CELF1: variants seen among roughly 807,000 people sequenced by gnomAD.
The protein encoded by CELF1 is CUGBP Elav-like family member 1, also known as 50 kDa nuclear polyadenylated RNA-binding protein.
A neutral mutation model predicts 61.8 loss-of-function variants in CELF1; 10 were observed. The observed-to-expected ratio is 0.16, with a 90% confidence interval of 0.10 to 0.27. The LOEUF is 0.27. Ranked by LOEUF, CELF1 falls within the 10% of genes least tolerant of loss-of-function variation. The probability of loss-of-function intolerance (pLI) is 1.00; values close to 1 mark genes in which losing one functional copy is unlikely to be tolerated. For synonymous variants in CELF1, 236 were observed against 225.1 expected (o/e 1.05, Z -0.43); for missense variants, 380 against 639.1 (o/e 0.59, Z 4.37).
At chr11:47,493,985 TC>T (rs1291077732) in intron 3 of CELF1, among the ~76,000 whole-genome samples, 1 of 152,244 alleles carries the variant, frequency 6.6e-6, no homozygotes, top group Admixed American at 6.5e-5. Flanking sequence ...ACTCTTTGTA[TC>T]ATTAAATACA....
intron 9 of CELF1, among the ~76,000 whole-genome samples, chr11:47,479,948 C>T (rs931616679): frequency 2.0e-5 from 3 of 152,034 alleles, no homozygotes; most frequent in Non-Finnish European, 2.9e-5. Flanking sequence ...CCTTTCCCCC[C>T]GCTTCTCAAA....
chr11:47,557,381 G>A (rs1454712213), upstream of CELF1, among the ~76,000 whole-genome samples: 25 of 148,546 alleles, frequency 1.7e-4, no homozygotes, highest in Admixed American at 1.7e-3. Context: ...ACCACATCCG[G>A]CTAATTTTTT....
At chr11:47,520,124 C>T (rs1282035181) in intron 1 of CELF1, among the ~76,000 whole-genome samples, 1 of 151,982 alleles carries the variant, frequency 6.6e-6, no homozygotes. Flanking sequence ...AATCCCTGTC[C>T]TTAAGGAGTT....
chr11:47,514,435 C>T (rs889445718), intron 1 of CELF1, among the ~76,000 whole-genome samples: 6 of 152,256 alleles, frequency 3.9e-5, no homozygotes, highest in Middle Eastern at 3.4e-3. Context: ...TAGCTCACCT[C>T]CCATTTAGTT....
At position 47,501,363 on chromosome 11, in the gene CELF1, C is replaced by T. The variant is rs138060181; in HGVS notation, c.-153-431G>A. Among the ~76,000 whole-genome samples the T allele has an allele frequency of 6.6e-4, 100 of 152,318 alleles. 1 individual carries two copies. The highest frequency in any genetic ancestry group is 2.4e-3 in the African/African-American group (98 of 41,580). The stretch of plus-strand genomic sequence containing the variant: ...TAGCTGGGGCTGGTTAGATTACTGG[C>T]TATGTTTGTCCTAGTTTCTCCTACG... On this transcript the variant is annotated intron_variant, in intron 1 of 14. Transcript: ENST00000687097.
At chr11:47,479,914 G>A (rs533463573) in intron 9 of CELF1, among the ~76,000 whole-genome samples, 1 of 151,976 alleles carries the variant, frequency 6.6e-6, no homozygotes, top group South Asian at 2.1e-4. Flanking sequence ...GGAACAGAAT[G>A]GGGGAAAAAA....
chr11:47,500,675 C>T (rs1000965605), intron 2 of CELF1, among the ~76,000 whole-genome samples, 186 bp downstream of exon 2: 2 of 151,952 alleles, frequency 1.3e-5, no homozygotes, highest in Admixed American at 1.3e-4. Flanking sequence ...TATGGGTGAG[C>T]AGTAGAGATG....
chr11:47,507,478 A>C (rs1378012389), intron 1 of CELF1, among the ~76,000 whole-genome samples: 2 of 152,198 alleles, frequency 1.3e-5, no homozygotes, highest in Admixed American at 1.3e-4. Context: ...AAAAATCAGA[A>C]GATGGGGAAG....
chr11:47,507,036 C>T (rs1200545696), intron 1 of CELF1: 2 of 152,212 alleles, frequency 1.3e-5, no homozygotes, highest in Admixed American at 1.3e-4. Flanking sequence ...CCTCCTGCGC[C>T]CTTTTTACTC....
intron 1 of CELF1, among the ~76,000 whole-genome samples, chr11:47,546,264 C>CG (rs1380430191): frequency 6.6e-4 from 16 of 24,146 alleles, no homozygotes; most frequent in Non-Finnish European, 9.9e-4. Flanking sequence ...GGGCGGGGGC[C>CG]GGGGGCGGGG....
chr11:47,482,697 C>A lies in CELF1; in HGVS notation c.766G>T (p.Ala256Ser), dbSNP rs2084088647. 2 of 1,613,128 alleles carry A rather than the reference C, an allele frequency of 1.2e-6. No homozygotes were observed. The highest frequency in any genetic ancestry group is 4.5e-5 in the East Asian group (2 of 44,874). ...GAAAGCAAACCACAAAGACTCACTGCTAAATACTGGGGTCCAAGAGTATTT... is the reference window on the plus strand; with the variant it reads ...GAAAGCAAACCACAAAGACTCACTGATAAATACTGGGGTCCAAGAGTATTT... The part of the protein sequence containing the change: ...GLNTLGPQYL[A>S]LYLQLLQQTA... Residue 256 changes from alanine to serine, a missense_variant and splice_region_variant, in exon 9 of 15, where the codon GCA becomes TCA. Ala to Ser is a moderately conservative substitution (Grantham distance 99). Coordinates refer to ENST00000687097, the MANE Select transcript of CELF1 (RefSeq NM_001376376.1).
intron 1 of CELF1, among the ~76,000 whole-genome samples, chr11:47,536,121 C>T (rs1341989493): frequency 6.6e-6 from 1 of 152,166 alleles, no homozygotes; most frequent in Non-Finnish European, 1.5e-5. Flanking sequence ...GCAATCCCAG[C>T]ACTTTGGGAG....
chr11:47,525,147 C>A (rs777221369), intron 1 of CELF1, among the ~76,000 whole-genome samples: 1 of 152,170 alleles, frequency 6.6e-6, no homozygotes, highest in Non-Finnish European at 1.5e-5. Flanking sequence ...TAGTTCCTTG[C>A]TGCTTTCAGA....
intron 1 of CELF1, among the ~76,000 whole-genome samples, chr11:47,522,546 C>T (rs1288673910): frequency 2.1e-5 from 3 of 142,726 alleles, no homozygotes; most frequent in Non-Finnish European, 3.0e-5. Flanking sequence ...AACAACAAAA[C>T]GCCAGGCACA....
intron 6 of CELF1, among the ~76,000 whole-genome samples, chr11:47,485,922 G>A (rs995513855): frequency 8.8e-5 from 13 of 147,818 alleles, no homozygotes; most frequent in African/African-American, 3.2e-4. Flanking sequence ...AGCACTTTGG[G>A]AGGCCGAGGC....
At chr11:47,542,115 A>G (rs1422316698) in intron 1 of CELF1, among the ~76,000 whole-genome samples, 2 of 152,160 alleles carry the variant, frequency 1.3e-5, no homozygotes, top group Non-Finnish European at 2.9e-5. Flanking sequence ...TGCGTCTGTA[A>G]TTTCAGCACT....
At chr11:47,527,050 TAA>T (rs779124412) in intron 1 of CELF1, among the ~76,000 whole-genome samples, 25 of 126,678 alleles carry the variant, frequency 2.0e-4, no homozygotes, top group Admixed American at 2.4e-4. Flanking sequence ...AAACTCCGTC[TAA>T]AAAAAAAAAA....
In CELF1 at chr11:47,475,526, G is replaced by A; in HGVS notation, c.1088-5C>T. The stretch of plus-strand genomic sequence containing the variant: ...CACCATTTAAAGCAGCCATTCCTTG[G>A]TTGGAGGAAGAGAAGGATTAATATA... On this transcript the variant is annotated splice_polypyrimidine_tract_variant and splice_region_variant and intron_variant, in intron 12 of 14. Transcript: ENST00000687097. 5 of 1,613,724 alleles carry A rather than the reference G, an allele frequency of 3.1e-6. No individual in the cohort carries two copies. The highest frequency in any genetic ancestry group is 4.2e-6 in the Non-Finnish European group (5 of 1,179,882).
intron 1 of CELF1, among the ~76,000 whole-genome samples, chr11:47,542,121 GCA>G (rs1162399459): frequency 6.6e-6 from 1 of 152,196 alleles, no homozygotes; most frequent in Non-Finnish European, 1.5e-5. Context: ...TGTAATTTCA[GCA>G]CTTCGGGAGG....
Sources: gnomAD v4.1 joint callset for allele counts (sites outside exome capture counted in the v4.1 genomes callset) on GRCh38, gnomAD v4.1.1 for gene constraint, MANE v1.5 for transcripts, NCBI Gene and HGNC (gene_info 2026-07-23, HGNC 2026-07-21) for gene names.